Variants in LRRC40 observed in about 807,000 individuals in gnomAD.
LRRC40 encodes leucine-rich repeat-containing protein 40.
In LRRC40, 76 loss-of-function variants were observed where a neutral mutation model predicts 72.8. That is an observed-to-expected ratio of 1.04 (90% CI 0.87 to 1.26). The LOEUF is 1.26. Among genes scored for constraint, LRRC40 ranks in the 50% most tolerant of loss-of-function variants. The probability of loss-of-function intolerance (pLI) is 0.00; values close to 1 mark genes in which losing one functional copy is unlikely to be tolerated. For missense variants in LRRC40, 684 were observed against 698.9 expected (o/e 0.98, Z 0.24); for synonymous variants, 243 against 254.2 (o/e 0.96, Z 0.42).
chr1:70,155,704 C>T lies in LRRC40; in HGVS notation c.1313G>A (p.Cys438Tyr). Residue 438 changes from cysteine to tyrosine, a missense_variant, in exon 11 of 15, where the codon TGT (cysteine) becomes TAT (tyrosine). Coordinates refer to ENST00000370952, the MANE Select transcript of LRRC40 (RefSeq NM_017768.5). ...TAGTTCTTACCTTTTTGGAATTTCACATAGTTGATTCTTACTGAAGTTAAT... is the reference window on the plus strand; with the variant it reads ...TAGTTCTTACCTTTTTGGAATTTCATATAGTTGATTCTTACTGAAGTTAAT... ...TSINFSKNQL[C>Y]EIPKRMVELK... is the part of the protein sequence containing the mutation. 1 of 1,529,490 alleles carries T rather than the reference C, an allele frequency of 6.5e-7. No individual in the cohort carries two copies. The highest frequency in any genetic ancestry group is 8.9e-7 in the Non-Finnish European group (1 of 1,123,448). 94.7% of individuals were successfully genotyped at this position (1,529,490 alleles called of 1,614,324 possible).
At chr1:70,163,371 G>A (rs1667808046) in intron 9 of LRRC40, among the ~76,000 whole-genome samples, 1 of 152,126 alleles carries the variant, frequency 6.6e-6, no homozygotes, top group Admixed American at 6.6e-5. Flanking sequence ...ACAGTCGTAA[G>A]CCACCACCCC....
intron 4 of LRRC40, among the ~76,000 whole-genome samples, chr1:70,182,475 CTTTTCT>C (rs1185727271): frequency 6.6e-6 from 1 of 151,852 alleles, no homozygotes; most frequent in African/African-American, 2.4e-5. Context: ...ACTATATTTG[CTTTTCT>C]ATAAACCTAA....
intron 10 of LRRC40, among the ~76,000 whole-genome samples, chr1:70,156,406 G>C (rs1214390810): frequency 6.6e-6 from 1 of 152,018 alleles, no homozygotes; most frequent in Non-Finnish European, 1.5e-5. Flanking sequence ...CCATTAATGA[G>C]CTTTATAACT....
At position 70,192,694 on chromosome 1, in the gene LRRC40, C is replaced by T. The variant is rs187927065; in HGVS notation, c.152-3421G>A. Among the ~76,000 whole-genome samples the T allele has an allele frequency of 1.9e-3, 285 of 152,184 alleles. 1 individual carries two copies. The highest frequency in any genetic ancestry group is 6.7e-3 in the African/African-American group (278 of 41,532). On this transcript the variant is annotated intron_variant, in intron 1 of 14. Transcript: ENST00000370952. ...ATGGATGGAGCTGGAGGCTATTATC[C>T]TTAGCAAACTAACACAGAAGAAAAC... is the stretch of plus-strand genomic sequence containing the variant.
chr1:70,205,457 G>A lies in LRRC40; in HGVS notation c.84C>T (p.Pro28=). 2 of 1,609,582 alleles carry A rather than the reference G, an allele frequency of 1.2e-6. No individual in the cohort carries two copies. The highest frequency in any genetic ancestry group is 1.7e-6 in the Non-Finnish European group (2 of 1,176,360). ...TCCTCGCTGCCTTCAACAGCCCTTGGGGTACCGAGGTACCGCAGTCTCTTC... is the reference window on the plus strand; with the variant it reads ...TCCTCGCTGCCTTCAACAGCCCTTGAGGTACCGAGGTACCGCAGTCTCTTC... ...AGGRDCGTSV[P]QGLLKAARKS... is the part of the protein sequence containing the mutation. Residue 28 remains proline, a synonymous_variant, in exon 1 of 15, where the codon CCC becomes CCT. Transcript: ENST00000370952.
At chr1:70,145,938 AT>A in intron 14 of LRRC40, 33 bp from the exon 15 acceptor site, 1 of 1,039,830 alleles carries the variant, frequency 9.6e-7, no homozygotes, top group Non-Finnish European at 1.4e-6. Flanking sequence ...GAATGTAAAC[AT>A]TTTCCATTAA....
At chr1:70,160,191 G>A (rs565201108) in intron 9 of LRRC40, among the ~76,000 whole-genome samples, 2 of 152,216 alleles carry the variant, frequency 1.3e-5, no homozygotes, top group African/African-American at 2.4e-5. Flanking sequence ...ATGTGAAAAC[G>A]ATGAAACAGT....
intron 7 of LRRC40, 80 bp from the exon 8 acceptor site, chr1:70,173,789 T>C (rs1255595323): frequency 4.4e-6 from 3 of 679,524 alleles, no homozygotes; most frequent in Non-Finnish European, 7.4e-6. Flanking sequence ...AAACATCATA[T>C]GGCAAACAAC....
chr1:70,175,440 T>TA (rs376796003), intron 7 of LRRC40, among the ~76,000 whole-genome samples: 43 of 152,158 alleles, frequency 2.8e-4, no homozygotes, highest in African/African-American at 1.0e-3. Context: ...CAAATGATTC[T>TA]AAAACGTACC....
In LRRC40 at chr1:70,164,291, G is replaced by A. The variant is rs187819232; in HGVS notation, c.1112-4853C>T. Among the ~76,000 whole-genome samples, 43 of 152,258 alleles carry A rather than the reference G, an allele frequency of 2.8e-4. No homozygotes were observed. In the East Asian group the frequency reaches 5.2e-3, roughly 18 times the overall value. Reference sequence around the variant, plus strand: ...TGTAATCCCAGCTACTCATGAGGCTGAGGCAGGAGAATCACTTGAACCCAG... The same window carrying A: ...TGTAATCCCAGCTACTCATGAGGCTAAGGCAGGAGAATCACTTGAACCCAG... On this transcript the variant is annotated intron_variant, in intron 9 of 14. Transcript: ENST00000370952.
intron 13 of LRRC40, among the ~76,000 whole-genome samples, chr1:70,150,415 AG>A (rs1414420678): frequency 6.6e-6 from 1 of 152,100 alleles, no homozygotes; most frequent in Non-Finnish European, 1.5e-5. Flanking sequence ...ACACAGTAAC[AG>A]AACCTACCAT....
At chr1:70,179,791 A>C (rs1036634931) in intron 5 of LRRC40, among the ~76,000 whole-genome samples, 1 of 152,146 alleles carries the variant, frequency 6.6e-6, no homozygotes, top group African/African-American at 2.4e-5. Context: ...TAATATCCTT[A>C]TTGAAAAAAA....
At chr1:70,187,691 C>T (rs149027405) in intron 2 of LRRC40, among the ~76,000 whole-genome samples, 2,434 of 151,710 alleles carry the variant, frequency 0.016, 56 homozygotes, top group Admixed American at 0.071. Flanking sequence ...ATTAGTCAGG[C>T]GTAGTGGCGC....
At chr1:70,173,555 G>A (rs1431691745) in intron 8 of LRRC40, 45 bp from the exon 9 acceptor site, 1 of 1,529,352 alleles carries the variant, frequency 6.5e-7, no homozygotes. Context: ...ATGCTTTGCA[G>A]TTTTACAGAT....
At chr1:70,204,732 T>TACACACACACACACACACACACACAC (rs3219841) in intron 1 of LRRC40, among the ~76,000 whole-genome samples, 3 of 145,188 alleles carry the variant, frequency 2.1e-5, no homozygotes, top group African/African-American at 7.6e-5. Flanking sequence ...CTCTCTCTCT[T>TACACACACACACACACACACACACAC]ACACACACAC....
At chr1:70,168,198 C>T (rs1667929046) in intron 9 of LRRC40, among the ~76,000 whole-genome samples, 1 of 152,174 alleles carries the variant, frequency 6.6e-6, no homozygotes. Context: ...CTTCCTGTTG[C>T]TAATGCTAAA....
rs376047277 is a variant in LRRC40, at chr1:70,184,047, A to C, written c.537+738T>G. 2.0e-5 allele frequency among the ~76,000 whole-genome samples: 3 copies of C among 152,072 alleles called. No individual in the cohort carries two copies. In the South Asian group the frequency reaches 6.2e-4, roughly 32 times the overall value. On this transcript the variant is annotated intron_variant, in intron 4 of 14. Transcript: ENST00000370952. ...GTGGATCATTTGAGGTCAGGAGTTC[A>C]AGATCAGTCTGGCCAAATGGTGAAA...
chr1:70,195,861 C>G (rs1016205232), intron 1 of LRRC40, among the ~76,000 whole-genome samples: 3 of 152,162 alleles, frequency 2.0e-5, no homozygotes, highest in Admixed American at 6.5e-5. Flanking sequence ...GTCTCGAACT[C>G]CTGGCCTCAA....
intron 1 of LRRC40, among the ~76,000 whole-genome samples, chr1:70,189,573 G>C (rs1020301526): frequency 2.6e-5 from 4 of 152,132 alleles, no homozygotes; most frequent in African/African-American, 9.7e-5. Flanking sequence ...ACAGCACATT[G>C]TGGTAAATAT....
Sources: allele counts gnomAD v4.1 joint callset (sites outside exome capture counted in the v4.1 genomes callset), GRCh38; gene constraint gnomAD v4.1.1; transcripts MANE v1.5; gene names NCBI Gene and HGNC (gene_info 2026-07-23, HGNC 2026-07-21).